Variants in FAM13B observed in about 807,000 individuals in gnomAD.
FAM13B encodes the protein protein FAM13B.
Under a neutral mutation model 117.3 loss-of-function variants are expected in FAM13B, and 60 were observed. The ratio of observed to expected loss-of-function variants is 0.51; its 90% CI spans 0.42 to 0.63. The LOEUF (loss-of-function observed/expected upper bound fraction) is 0.63, where lower values mean the gene tolerates loss of function less well. FAM13B is among the 30% of genes least tolerant of loss of function. FAM13B has a pLI of 0.00. For missense variants in FAM13B, 972 were observed against 1,091.9 expected (o/e 0.89, Z 1.55); for synonymous variants, 332 against 356.1 (o/e 0.93, Z 0.76).
At chr5:138,044,914 A>G (rs13355516) in intron 1 of FAM13B, among the ~76,000 whole-genome samples, 20,056 of 152,286 alleles carry the variant, frequency 0.13, 1,577 homozygotes, top group Non-Finnish European at 0.18. Context: ...AGGGAAACGC[A>G]AACTAAAAAA....
chr5:138,030,926 G>A (rs977840513), intron 1 of FAM13B, among the ~76,000 whole-genome samples: 21 of 151,972 alleles, frequency 1.4e-4, no homozygotes, highest in African/African-American at 4.1e-4. Context: ...CTAGCTACTC[G>A]GGAGGCTAAG....
At chr5:138,026,813 C>A (rs1788535479) in intron 1 of FAM13B, among the ~76,000 whole-genome samples, 1 of 151,446 alleles carries the variant, frequency 6.6e-6, no homozygotes, top group Admixed American at 6.6e-5. Context: ...GTGGCACACG[C>A]CTTTAATCAC....
intron 11 of FAM13B, among the ~76,000 whole-genome samples, chr5:137,961,207 T>C (rs1177046304): frequency 6.6e-6 from 1 of 152,140 alleles, no homozygotes; most frequent in Non-Finnish European, 1.5e-5. Context: ...GAAGCATGAA[T>C]GTTAAACATA....
intron 10 of FAM13B, among the ~76,000 whole-genome samples, chr5:137,968,804 A>G (rs557244146): frequency 2.5e-4 from 38 of 152,356 alleles, no homozygotes; most frequent in African/African-American, 8.9e-4. Context: ...CGGGAAGCGC[A>G]AGGGGTCAGG....
chr5:138,006,330 A>G (rs1447232110), intron 7 of FAM13B, among the ~76,000 whole-genome samples: 1 of 152,256 alleles, frequency 6.6e-6, no homozygotes, highest in African/African-American at 2.4e-5. Context: ...GAGAACGAGC[A>G]TAGAATTTAG....
In FAM13B at chr5:138,018,978, A is replaced by G. The variant is rs749095397; in HGVS notation, c.134T>C (p.Val45Ala). 1 of 1,614,108 alleles carries G rather than the reference A, an allele frequency of 6.2e-7. No individual in the cohort carries two copies. The highest frequency in any genetic ancestry group is 8.5e-7 in the Non-Finnish European group (1 of 1,179,986). Residue 45 changes from valine (V) to alanine (A), a missense_variant, in exon 3 of 24, where the codon GTT (valine) becomes GCT (alanine). Physicochemically the swap from Val to Ala is moderately conservative, Grantham distance 64. Transcript: ENST00000689681. ...DNEVPFIVRH[V>A]VDYIEEHGGL... is the part of the protein sequence containing the mutation. ...ACCATGTTCCTCAATATAGTCCACA[A>G]CGTGGCGGACTATGAATGGAACCTC...
At chr5:137,983,681 AC>A (rs1776458205) in intron 10 of FAM13B, among the ~76,000 whole-genome samples, 1 of 152,224 alleles carries the variant, frequency 6.6e-6, no homozygotes, top group Admixed American at 6.5e-5. Context: ...AGTCTGTGAA[AC>A]TAACAGTGGC....
intron 2 of FAM13B, among the ~76,000 whole-genome samples, chr5:138,020,280 G>T (rs1338135827): frequency 6.6e-6 from 1 of 152,040 alleles, no homozygotes; most frequent in African/African-American, 2.4e-5. Context: ...GGCTGGTCTT[G>T]AACTCCTGAC....
chr5:137,945,877 G>C (rs780479298), intron 20 of FAM13B, 25 bp downstream of exon 20: 1 of 1,539,484 alleles, frequency 6.5e-7, no homozygotes, highest in Non-Finnish European at 8.9e-7. Context: ...AAATGAACCA[G>C]AGAATTATTG....
chr5:137,985,221 G>A, intron 10 of FAM13B, 36 bp downstream of exon 10: 1 of 1,600,656 alleles, frequency 6.2e-7, no homozygotes, highest in East Asian at 2.2e-5. Context: ...AGCAATCAAA[G>A]TTGTACATCT....
chr5:137,997,952 G>GA (rs2150732271), intron 7 of FAM13B, among the ~76,000 whole-genome samples: 1 of 152,316 alleles, frequency 6.6e-6, no homozygotes, highest in South Asian at 2.1e-4. Context: ...TAAGTGAACT[G>GA]AAACCCAATG....
At chr5:138,031,747 C>G (rs909650990) in intron 1 of FAM13B, among the ~76,000 whole-genome samples, 1 of 151,450 alleles carries the variant, frequency 6.6e-6, no homozygotes, top group Non-Finnish European at 1.5e-5. Flanking sequence ...TCAGTCCATT[C>G]AATTCCATCA....
At chr5:137,956,737 T>C (rs1387112135) in intron 13 of FAM13B, among the ~76,000 whole-genome samples, 195 bp from the exon 14 acceptor site, 2 of 145,816 alleles carry the variant, frequency 1.4e-5, no homozygotes, top group African/African-American at 5.1e-5. Context: ...ACATTTCCAT[T>C]TCAGCAAGCA....
intron 14 of FAM13B, 51 bp from the exon 15 acceptor site, chr5:137,954,427 G>T: frequency 6.8e-7 from 1 of 1,476,850 alleles, no homozygotes. Context: ...ATTCCACGTG[G>T]GAAAAAAGTC....
chr5:137,992,453 G>T (rs748438023), intron 7 of FAM13B, among the ~76,000 whole-genome samples: 1 of 151,760 alleles, frequency 6.6e-6, no homozygotes, highest in Non-Finnish European at 1.5e-5. Flanking sequence ...AATTAGCCGC[G>T]CATGGTGACG....
At chr5:137,947,071 G>A (rs1763631548) in intron 18 of FAM13B, among the ~76,000 whole-genome samples, 1 of 152,162 alleles carries the variant, frequency 6.6e-6, no homozygotes, top group Non-Finnish European at 1.5e-5. Flanking sequence ...AAATAAATAT[G>A]GTAAGTCTCG....
At chr5:137,943,499 C>A (rs1034402730) in intron 20 of FAM13B, among the ~76,000 whole-genome samples, 1 of 152,222 alleles carries the variant, frequency 6.6e-6, no homozygotes, top group Non-Finnish European at 1.5e-5. Context: ...GTAATCCCAG[C>A]ACTTTGGGAG....
Position 137,940,252 on chromosome 5 carries a change from G to A in FAM13B, c.2787C>T (p.Ser929=). ...ATATGGATTTTGAAGAATCTTGTTTGCTTATAAGAACTTCAAGAAGCCTAA... is the reference window on the plus strand; with the variant it reads ...ATATGGATTTTGAAGAATCTTGTTTACTTATAAGAACTTCAAGAAGCCTAA... ...AKLRLLEVLI[S]KQDSSKSI is the part of the protein sequence containing the mutation. The change falls in exon 24 of 24, where the codon AGC becomes AGT. Residue 929 remains serine (S), a synonymous_variant. Coordinates refer to ENST00000689681, the MANE Select transcript of FAM13B (RefSeq NM_001385994.1). 1.2e-6 allele frequency: 2 copies of A among 1,613,830 alleles called. No homozygotes were observed. Among genetic ancestry groups the A allele is most frequent in the Non-Finnish European group, 8.5e-7 (1 of 1,179,862 alleles).
At chr5:138,007,694 T>C (rs902950098) in intron 6 of FAM13B, among the ~76,000 whole-genome samples, 3 of 146,858 alleles carry the variant, frequency 2.0e-5, no homozygotes, top group African/African-American at 7.5e-5. Context: ...AGAACTCATA[T>C]TTTGACCAGT....
Sources: allele counts gnomAD v4.1 joint callset (sites outside exome capture counted in the v4.1 genomes callset), GRCh38; gene constraint gnomAD v4.1.1; transcripts MANE v1.5; gene names NCBI Gene and HGNC (gene_info 2026-07-23, HGNC 2026-07-21).